Variants in MYO15B observed in about 807,000 individuals in gnomAD.
MYO15B encodes the protein myosin XVB pseudogene.
In MYO15B, 207 loss-of-function variants were observed where a neutral mutation model predicts 119.3. That is an observed-to-expected ratio of 1.73 (90% confidence interval 1.55 to 1.95). The LOEUF (loss-of-function observed/expected upper bound fraction) is 1.95, where lower values mean the gene tolerates loss of function less well. Among genes scored for constraint, MYO15B ranks in the 30% most tolerant of loss-of-function variants. The pLI, the probability that MYO15B is intolerant of heterozygous loss-of-function variation, is 0.00. For missense variants in MYO15B, 2,264 were observed against 1,203.1 expected, an observed-to-expected ratio of 1.88 and a Z score of -13.04; for synonymous variants, 966 against 498.9, an observed-to-expected ratio of 1.94 and a Z score of -12.48.
chr17:75,591,717 G>A lies in MYO15B; in HGVS notation c.2547+5G>A. On this transcript the variant is annotated splice_donor_5th_base_variant and intron_variant, in intron 5 of 63. Transcript: ENST00000645453. ...ACGGGGAACCGAGAGTGTCAGGTGA[G>A]GGCCAGGCTGGAGGTACCTCATGGG... 1 of 702,906 alleles carries A rather than the reference G, an allele frequency of 1.4e-6. No homozygotes were observed. The highest frequency in any genetic ancestry group is 2.7e-5 in the East Asian group (1 of 37,284). The allele number at this position is 702,906 out of a possible 1,614,324, so 43.5% of individuals were successfully genotyped here.
chr17:75,620,856 C>A, intron 49 of MYO15B, 175 bp from the exon 50 acceptor site: 1 of 701,888 alleles, frequency 1.4e-6, no homozygotes, highest in Non-Finnish European at 2.6e-6. Flanking sequence ...CTCTTGTGTC[C>A]CACGTGGTAC....
Position 75,591,117 on chromosome 17 carries a change from T to C in MYO15B, c.2361-55T>C, listed in dbSNP as rs1178308728. 1.1e-5 allele frequency: 8 copies of C among 701,820 alleles called. No homozygotes were observed. In the Admixed American group the frequency reaches 1.6e-4, roughly 14 times the overall value. The allele number at this position is 701,820 out of a possible 1,614,324, so 43.5% of individuals were successfully genotyped here. A position where few individuals can be genotyped will look rare whatever the true frequency, so the allele number is the denominator to read the frequency against. ...TCCCGGGGCCTGTGAGCACCTCTGC[T>C]ACACCTCGGAGGGTCCCAGGTCCCC... On this transcript the variant is annotated intron_variant, in intron 3 of 63. Coordinates refer to ENST00000645453, the Ensembl canonical transcript of MYO15B.
rs1691943793 is a variant in MYO15B, at chr17:75,597,418, T to G, written c.3525+519T>G. Among the ~76,000 whole-genome samples, 3 of 152,330 alleles carry G rather than the reference T, an allele frequency of 2.0e-5. No homozygotes were observed. In the South Asian group the frequency reaches 6.2e-4, roughly 32 times the overall value. On this transcript the variant is annotated intron_variant, in intron 14 of 63. Transcript: ENST00000645453. ...CACATGCAGTCACAGCGTCTATTCATTCACTGACTCCTTACCGCGCCAGAC... is the reference window on the plus strand; with the variant it reads ...CACATGCAGTCACAGCGTCTATTCAGTCACTGACTCCTTACCGCGCCAGAC...
At chr17:75,614,113 A>C (rs1324391609) in intron 29 of MYO15B, 86 bp from the exon 30 acceptor site, 1 of 657,990 alleles carries the variant, frequency 1.5e-6, no homozygotes, top group Non-Finnish European at 2.8e-6. Flanking sequence ...TCCCTTCCTC[A>C]GCCCCCTGCC....
At chr17:75,621,831 G>A (rs1374070365) in intron 52 of MYO15B, 173 bp from the exon 53 acceptor site, 7 of 611,626 alleles carry the variant, frequency 1.1e-5, no homozygotes, top group South Asian at 1.1e-4. Context: ...GGATACCCAG[G>A]AGCCTCAGTT....
exon 15 of MYO15B, chr17:75,601,521 C>T (rs575347991): frequency 5.0e-5 from 35 of 703,170 alleles, no homozygotes; most frequent in Admixed American, 1.4e-4. Flanking sequence ...TGCCCCTGCC[C>T]GTGTTCACCG....
intron 21 of MYO15B, 24 bp from the exon 22 acceptor site, chr17:75,610,141 GC>G: frequency 1.5e-6 from 1 of 687,808 alleles, no homozygotes; most frequent in East Asian, 2.7e-5. Flanking sequence ...TCTTCATTTC[GC>G]CCCCGCTCTT....
At chr17:75,588,102 C>G (rs1369001898) in exon 1 of MYO15B, 1 of 398,180 alleles carries the variant, frequency 2.5e-6, no homozygotes, top group South Asian at 1.3e-4. Context: ...TGGAGAGGCC[C>G]GGGAGGCCGG....
exon 27 of MYO15B, chr17:75,613,098 C>T (rs1173048260): frequency 1.4e-6 from 1 of 702,718 alleles, no homozygotes; most frequent in Admixed American, 2.0e-5. Context: ...CAGCTGGTGG[C>T]CCAGCTATGG....
At chr17:75,617,656 A>G in intron 41 of MYO15B, 154 bp from the exon 42 acceptor site, 1 of 592,690 alleles carries the variant, frequency 1.7e-6, no homozygotes, top group East Asian at 2.8e-5. Context: ...AAATGGAGGC[A>G]GGAGATGGTG....
chr17:75,619,903 G>A (rs820151), exon 47 of MYO15B: 239,364 of 702,092 alleles, frequency 0.34, 42,478 homozygotes, highest in Middle Eastern at 0.43. Context: ...TGGGTGTGGA[G>A]TGCCGGGGCG....
Position 75,613,820 on chromosome 17 carries a change from C to T in MYO15B, c.5219+43C>T, listed in dbSNP as rs574315150. ...GGGGGACAGTGTGGCCAAAGTGACCCTTGTCCTATACCCTCCTCCTTCTCC... is the reference window on the plus strand; with the variant it reads ...GGGGGACAGTGTGGCCAAAGTGACCTTTGTCCTATACCCTCCTCCTTCTCC... On this transcript the variant is annotated intron_variant, in intron 29 of 63. Transcript: ENST00000645453. 1.4e-3 allele frequency: 959 copies of T among 681,916 alleles called. 4 individuals are homozygous for T. Among genetic ancestry groups the T allele is most frequent in the Non-Finnish European group, 5.6e-4 (210 of 374,718 alleles). 42.2% of individuals were successfully genotyped at this position (681,916 alleles called of 1,614,324 possible).
At chr17:75,608,887 C>T (rs887342099) in intron 21 of MYO15B, among the ~76,000 whole-genome samples, 2 of 152,138 alleles carry the variant, frequency 1.3e-5, no homozygotes, top group African/African-American at 2.4e-5. Flanking sequence ...GCACCTGCCA[C>T]CATGCTCAGC....
At chr17:75,618,225 A>G (rs375468035) in intron 43 of MYO15B, 40 bp downstream of exon 43, 3 of 702,572 alleles carry the variant, frequency 4.3e-6, no homozygotes. Context: ...ACATCTGCAG[A>G]GACAGCATCC....
At position 75,589,546 on chromosome 17, in the gene MYO15B, C is replaced by T; in HGVS notation, c.1489C>T (p.Leu497=). ...CCGTGAGCCCGGGCTGCGGCACCGT[C>T]TAGCGTTGCGCCTGGCTGGCTTAGC... The change falls in exon 1 of 64, where the codon CTA becomes TTA. Residue 497 remains leucine, a synonymous_variant. Transcript: ENST00000645453. The surrounding 1 kb of genome is among the most constrained non-coding windows in gnomAD (Gnocchi z 4.2). 1 of 398,798 alleles carries T rather than the reference C, an allele frequency of 2.5e-6. No homozygotes were observed. The highest frequency in any genetic ancestry group is 4.4e-6 in the Non-Finnish European group (1 of 226,154). 24.7% of individuals were successfully genotyped at this position (398,798 alleles called of 1,614,324 possible).
chr17:75,618,933 G>A (rs2058538941), intron 43 of MYO15B: 2 of 591,658 alleles, frequency 3.4e-6, no homozygotes, highest in East Asian at 2.8e-5. Context: ...GCAGTTGCAG[G>A]GGAGGGGACA....
chr17:75,602,499 C>T lies in MYO15B; in HGVS notation c.3652-18C>T. Reference sequence around the variant, plus strand: ...TCCCTTTCTCCACTTCCCTCCCCACCTGCATGGTCTCTTGCAGGTTCACAA... The same window carrying T: ...TCCCTTTCTCCACTTCCCTCCCCACTTGCATGGTCTCTTGCAGGTTCACAA... On this transcript the variant is annotated intron_variant, in intron 15 of 63. Transcript: ENST00000645453. 1.4e-6 allele frequency: 1 copy of T among 702,896 alleles called. No homozygotes were observed. The highest frequency in any genetic ancestry group is 2.7e-5 in the East Asian group (1 of 37,280). The allele number at this position is 702,896 out of a possible 1,614,324, so 43.5% of individuals were successfully genotyped here. A position where few individuals can be genotyped will look rare whatever the true frequency, so the allele number is the denominator to read the frequency against.
chr17:75,616,419 G>T lies in MYO15B; in HGVS notation c.6217G>T (p.Glu2073Ter), dbSNP rs1234008131. Residue 2073 changes from glutamate to a stop codon, truncating the protein, a stop_gained, in exon 38 of 64, where the codon GAG becomes TAG. Coordinates refer to ENST00000645453, the Ensembl canonical transcript of MYO15B. LOFTEE classifies it high-confidence loss of function. ...GGAGGAGGAGGAGGAGGAGGAGCAGGAGGAGCAAGAAGTGGAAACAAGAGC... is the reference window on the plus strand; with the variant it reads ...GGAGGAGGAGGAGGAGGAGGAGCAGTAGGAGCAAGAAGTGGAAACAAGAGC... 2 of 629,164 alleles carry T rather than the reference G, an allele frequency of 3.2e-6. No homozygotes were observed. The highest frequency in any genetic ancestry group is 2.8e-6 in the Non-Finnish European group (1 of 351,480). 39.0% of individuals were successfully genotyped at this position (629,164 alleles called of 1,614,324 possible). A position where few individuals can be genotyped will look rare whatever the true frequency, so the allele number is the denominator to read the frequency against.
exon 44 of MYO15B, chr17:75,619,217 G>A: frequency 1.4e-6 from 1 of 702,820 alleles, no homozygotes; most frequent in Non-Finnish European, 2.6e-6. Flanking sequence ...AAGACCTGCT[G>A]GGTATGGGTC....
Sources: allele counts gnomAD v4.1 joint callset (sites outside exome capture counted in the v4.1 genomes callset), GRCh38; gene constraint gnomAD v4.1.1; non-coding constraint Gnocchi (gnomAD v3.1); transcripts MANE v1.5; gene names NCBI Gene and HGNC (gene_info 2026-07-23, HGNC 2026-07-21).